Variants in STAG1 observed in about 807,000 individuals in gnomAD.
STAG1 encodes the protein cohesin subunit SA-1.
STAG1 carries 26 observed loss-of-function variants against 170.9 expected under a neutral mutation model. That is an observed-to-expected ratio of 0.15 (90% CI 0.11 to 0.21). The LOEUF is 0.21. Ranked by LOEUF, STAG1 falls within the 10% of genes least tolerant of loss-of-function variation. The probability of loss-of-function intolerance (pLI) is 1.00; values close to 1 mark genes in which losing one functional copy is unlikely to be tolerated. For synonymous variants in STAG1, 514 were observed against 497.7 expected (o/e 1.03, Z -0.44); for missense variants, 964 against 1,509.5 (o/e 0.64, Z 5.99).
At chr3:136,381,286 T>C (rs939358209) in intron 22 of STAG1, among the ~76,000 whole-genome samples, 1 of 151,978 alleles carries the variant, frequency 6.6e-6, no homozygotes, top group African/African-American at 2.4e-5. Flanking sequence ...ACAGCAAGTA[T>C]CCTGGGAAAT....
intron 1 of STAG1, among the ~76,000 whole-genome samples, chr3:136,670,520 G>A (rs1172169323): frequency 3.3e-5 from 5 of 152,236 alleles, no homozygotes; most frequent in South Asian, 4.1e-4. Flanking sequence ...TCACTCTGTC[G>A]CCCAGGCTGG....
At position 136,647,503 on chromosome 3, in the gene STAG1, A is replaced by T. The variant is rs564638807; in HGVS notation, c.-83-16522T>A. Among the ~76,000 whole-genome samples, 8 of 152,274 alleles carry T rather than the reference A, an allele frequency of 5.3e-5. No homozygotes were observed. The East Asian group carries it at 1.5e-3, about 29-fold the overall frequency. On this transcript the variant is annotated intron_variant, in intron 1 of 33. Coordinates refer to ENST00000383202, the MANE Select transcript of STAG1 (RefSeq NM_005862.3). Reference sequence around the variant, plus strand: ...AGACTCGCTTGAACCCGGGAGGCAGAGGTTGCTGTGAGCCGAGATCGTGCC... The same window carrying T: ...AGACTCGCTTGAACCCGGGAGGCAGTGGTTGCTGTGAGCCGAGATCGTGCC...
chr3:136,398,537 A>C (rs2108340840), intron 22 of STAG1, among the ~76,000 whole-genome samples: 1 of 152,160 alleles, frequency 6.6e-6, no homozygotes, highest in East Asian at 1.9e-4. Flanking sequence ...ACACATAACT[A>C]TGTGTCTTTT....
intron 1 of STAG1, among the ~76,000 whole-genome samples, chr3:136,683,150 C>A (rs1255425578): frequency 6.6e-6 from 1 of 152,126 alleles, no homozygotes; most frequent in African/African-American, 2.4e-5. Context: ...CAACGTTTCA[C>A]TTCTGCAAAA....
At position 136,559,365 on chromosome 3, in the gene STAG1, T is replaced by C. The variant is rs930699779; in HGVS notation, c.394+9400A>G. On this transcript the variant is annotated intron_variant, in intron 5 of 33. Transcript: ENST00000383202. ...AAATACCAGTAATGCAGTAGAGACA[T>C]GAAACAAGAAAAAGAAAAATAACAA... Among the ~76,000 whole-genome samples the C allele has an allele frequency of 3.3e-5, 5 of 151,970 alleles. No homozygotes were observed. In the East Asian group the frequency reaches 5.8e-4, roughly 18 times the overall value.
At chr3:136,707,853 C>T (rs565564801) in intron 1 of STAG1, among the ~76,000 whole-genome samples, 1 of 152,154 alleles carries the variant, frequency 6.6e-6, no homozygotes, top group Non-Finnish European at 1.5e-5. Flanking sequence ...GATCTGCCCT[C>T]ATAACCCAAA....
chr3:136,390,973 T>A (rs1347848245), intron 22 of STAG1, among the ~76,000 whole-genome samples: 1 of 152,210 alleles, frequency 6.6e-6, no homozygotes, highest in African/African-American at 2.4e-5. Flanking sequence ...TTGGCCACTA[T>A]CAGTCCCACC....
intron 1 of STAG1, among the ~76,000 whole-genome samples, chr3:136,659,300 G>T (rs1941496809): frequency 6.6e-6 from 1 of 152,160 alleles, no homozygotes; most frequent in Non-Finnish European, 1.5e-5. Context: ...GCAAAATTGT[G>T]TTAACAGTAA....
chr3:136,367,213 G>A, intron 24 of STAG1, 131 bp from the exon 25 acceptor site: 1 of 700,912 alleles, frequency 1.4e-6, no homozygotes, highest in South Asian at 2.3e-5. Flanking sequence ...TTTTAGATGG[G>A]ACAAAAACTG....
intron 22 of STAG1, among the ~76,000 whole-genome samples, chr3:136,382,043 T>C (rs1937997738): frequency 6.6e-6 from 1 of 152,230 alleles, no homozygotes; most frequent in South Asian, 2.1e-4. Flanking sequence ...GTATACTTAA[T>C]ATGGATGTTT....
chr3:136,506,476 C>CAAAAAAA (rs11414654), intron 7 of STAG1, among the ~76,000 whole-genome samples: 3 of 85,342 alleles, frequency 3.5e-5, no homozygotes, highest in Non-Finnish European at 4.8e-5. Context: ...ACTAAAAATA[C>CAAAAAAA]AAAAAAAAAA....
intron 5 of STAG1, among the ~76,000 whole-genome samples, chr3:136,555,001 T>TTAAAATTAATGAATTTTAAAA (rs1936549884): frequency 1.3e-5 from 2 of 151,282 alleles, no homozygotes. Context: ...TAGAAAACAC[T>TTAAAATTAATGAATTTTAAAA]TAAAATTAAT....
intron 29 of STAG1, 152 bp downstream of exon 29, chr3:136,349,006 G>T: frequency 1.5e-6 from 1 of 645,702 alleles, no homozygotes; most frequent in Non-Finnish European, 2.7e-6. Context: ...TACTTCATCT[G>T]TTTCAACCTT....
chr3:136,338,636 T>A (rs1935807667), intron 32 of STAG1, among the ~76,000 whole-genome samples, 186 bp from the exon 33 acceptor site: 1 of 152,270 alleles, frequency 6.6e-6, no homozygotes, highest in Non-Finnish European at 1.5e-5. Context: ...TACTTTTGGC[T>A]TTTAATTATG....
chr3:136,562,574 C>A (rs529128484), intron 5 of STAG1, among the ~76,000 whole-genome samples: 1 of 151,326 alleles, frequency 6.6e-6, no homozygotes. Flanking sequence ...TAAGCTAGAA[C>A]AGTTTGAGTC....
intron 2 of STAG1, among the ~76,000 whole-genome samples, chr3:136,624,443 G>C (rs1452335938): frequency 6.6e-6 from 1 of 152,076 alleles, no homozygotes; most frequent in African/African-American, 2.4e-5. Context: ...TGAATGAATA[G>C]GAATTTTAAC....
At chr3:136,434,489 A>G (rs1015088799) in intron 15 of STAG1, among the ~76,000 whole-genome samples, 1 of 152,120 alleles carries the variant, frequency 6.6e-6, no homozygotes, top group Admixed American at 6.6e-5. Flanking sequence ...GTCTATGTTT[A>G]TTCTTCACCT....
chr3:136,638,732 G>A (rs1257110564), intron 1 of STAG1, among the ~76,000 whole-genome samples: 8 of 151,900 alleles, frequency 5.3e-5, no homozygotes, highest in South Asian at 2.1e-4. Context: ...GTGAAAACTC[G>A]TCTCTGCTAA....
chr3:136,567,530 T>C lies in STAG1; in HGVS notation c.394+1235A>G, dbSNP rs1463074603. On this transcript the variant is annotated intron_variant, in intron 5 of 33. Transcript: ENST00000383202. ...TTATTTTTTGTAGGATATACTTTTT[T>C]ACAACCTCCCCACATTCACACATAT... Among the ~76,000 whole-genome samples, 5 of 152,228 alleles carry C rather than the reference T, an allele frequency of 3.3e-5. No individual in the cohort carries two copies. The East Asian group carries it at 9.6e-4, about 29-fold the overall frequency.
Sources: allele counts gnomAD v4.1 joint callset (sites outside exome capture counted in the v4.1 genomes callset), GRCh38; gene constraint gnomAD v4.1.1; transcripts MANE v1.5; gene names NCBI Gene and HGNC (gene_info 2026-07-23, HGNC 2026-07-21).